The following PTGER3 variants were observed in gnomAD, a reference collection of about 807,000 sequenced individuals.
PTGER3 encodes the protein prostaglandin E receptor 3.
Under a neutral mutation model 34.7 loss-of-function variants are expected in PTGER3, and 22 were observed. The ratio of observed to expected loss-of-function variants is 0.63; its 90% confidence interval spans 0.45 to 0.91. PTGER3 has a LOEUF of 0.91. PTGER3 is among the 40% of genes least tolerant of loss of function. The probability of loss-of-function intolerance (pLI) is 0.00; values close to 1 mark genes in which losing one functional copy is unlikely to be tolerated. For missense variants in PTGER3, 468 were observed against 519.4 expected, an observed-to-expected ratio of 0.90 and a Z score of 0.96; for synonymous variants, 241 against 230.1, an observed-to-expected ratio of 1.05 and a Z score of -0.43.
At chr1:71,014,519 G>A (rs572390551) in intron 1 of PTGER3, among the ~76,000 whole-genome samples, 1 of 152,204 alleles carries the variant, frequency 6.6e-6, no homozygotes, top group African/African-American at 2.4e-5. Context: ...TTTATGTGAT[G>A]GTATTAGGAA....
At chr1:70,852,979 A>C (rs2100419407) in intron 4 of PTGER3, 1 of 1,141,448 alleles carries the variant, frequency 8.8e-7, no homozygotes, top group African/African-American at 1.5e-5. Flanking sequence ...ATGGTAAATC[A>C]CTTACAGCAG....
chr1:70,899,948 A>T (rs2100329694), intron 4 of PTGER3, among the ~76,000 whole-genome samples: 1 of 152,196 alleles, frequency 6.6e-6, no homozygotes, highest in African/African-American at 2.4e-5. Flanking sequence ...AATGACTGTA[A>T]TGGTAGGAAT....
At chr1:70,954,743 C>T (rs898515641) in intron 2 of PTGER3, among the ~76,000 whole-genome samples, 1 of 151,956 alleles carries the variant, frequency 6.6e-6, no homozygotes, top group African/African-American at 2.4e-5. Flanking sequence ...ATTTTGCTAT[C>T]ATGTAATACA....
chr1:70,927,922 T>C lies in PTGER3; in HGVS notation c.*23+25841A>G, dbSNP rs182740014. ...AGCTTCTTGTATTTACCCTATACACTGATCTAATGATTTTTAAGTTGTGCC... is the reference window on the plus strand; with the variant it reads ...AGCTTCTTGTATTTACCCTATACACCGATCTAATGATTTTTAAGTTGTGCC... On this transcript the variant is annotated intron_variant, in intron 4 of 4. Coordinates refer to the PTGER3 transcript ENST00000370931. Among the ~76,000 whole-genome samples, 8 of 152,238 alleles carry C rather than the reference T, an allele frequency of 5.3e-5. No individual in the cohort carries two copies. In the East Asian group the frequency reaches 1.5e-3, roughly 29 times the overall value.
intron 3 of PTGER3, among the ~76,000 whole-genome samples, chr1:70,973,510 C>T (rs970832206): frequency 2.6e-5 from 4 of 152,086 alleles, no homozygotes; most frequent in African/African-American, 9.7e-5. Context: ...AGAAATTGAG[C>T]TGCTTGAATG....
intron 4 of PTGER3, among the ~76,000 whole-genome samples, chr1:70,878,891 T>C (rs537487283): frequency 1.3e-5 from 2 of 152,330 alleles, no homozygotes; most frequent in South Asian, 2.1e-4. Context: ...TTATGTCCTA[T>C]TGAGTGGTTG....
chr1:70,857,727 G>T lies in PTGER3; in HGVS notation c.*24-4868C>A, dbSNP rs573168742. The stretch of plus-strand genomic sequence containing the variant: ...TTTTTTGTATTTTTAGTAGAGACGG[G>T]GTTTCACTGTGTTAGCCAGGATGGT... On this transcript the variant is annotated intron_variant, in intron 4 of 4. Transcript: ENST00000370931. Among the ~76,000 whole-genome samples, 21 of 152,096 alleles carry T rather than the reference G, an allele frequency of 1.4e-4. 1 individual carries two copies. In the East Asian group the frequency reaches 3.9e-3, roughly 28 times the overall value.
At chr1:70,920,130 T>G (rs1016342869) in intron 4 of PTGER3, among the ~76,000 whole-genome samples, 2 of 152,190 alleles carry the variant, frequency 1.3e-5, no homozygotes, top group African/African-American at 4.8e-5. Context: ...ATGTAGAAAC[T>G]GTCACAAACT....
intron 2 of PTGER3, among the ~76,000 whole-genome samples, chr1:70,995,253 G>A (rs11209731): frequency 6.6e-6 from 1 of 151,928 alleles, no homozygotes; most frequent in Non-Finnish European, 1.5e-5. Flanking sequence ...AATGTGTTTG[G>A]GGAGAGGATT....
At chr1:71,002,020 C>T (rs1252479308) in intron 2 of PTGER3, among the ~76,000 whole-genome samples, 1 of 152,046 alleles carries the variant, frequency 6.6e-6, no homozygotes, top group East Asian at 1.9e-4. Flanking sequence ...CTTTGGGAGG[C>T]TAAGACAGGA....
At chr1:70,872,230 T>C (rs1646178359) in intron 4 of PTGER3, among the ~76,000 whole-genome samples, 1 of 152,220 alleles carries the variant, frequency 6.6e-6, no homozygotes, top group Non-Finnish European at 1.5e-5. Flanking sequence ...GGTCGGTGTT[T>C]TTCTTGGTTT....
chr1:71,014,794 C>T (rs1399189992), intron 1 of PTGER3, among the ~76,000 whole-genome samples: 1 of 152,164 alleles, frequency 6.6e-6, no homozygotes, highest in East Asian at 1.9e-4. Context: ...CAAGTTTACA[C>T]CTTTGTTATG....
At chr1:71,002,164 G>A (rs1656553123) in intron 2 of PTGER3, 1 of 152,212 alleles carries the variant, frequency 6.6e-6, no homozygotes, top group South Asian at 2.1e-4. Context: ...TGGGGAGGCT[G>A]AGGTGGGAGG....
chr1:70,970,827 A>G lies in PTGER3; in HGVS notation c.*903T>C, dbSNP rs901302592. On this transcript the variant is annotated 3_prime_UTR_variant, in exon 4 of 4. Transcript: ENST00000306666. The stretch of plus-strand genomic sequence containing the variant: ...TTTTTTATTTTAATACAGACAAAAT[A>G]GATTCTTTTATTTTATAAAAACGTA... The G allele has an allele frequency of 1.1e-6, 1 of 901,322 alleles. No homozygotes were observed. Among genetic ancestry groups the G allele is most frequent in the African/African-American group, 1.8e-5 (1 of 55,364 alleles). 55.8% of individuals were successfully genotyped at this position (901,322 alleles called of 1,614,324 possible). A position where few individuals can be genotyped will look rare whatever the true frequency, so the allele number is the denominator to read the frequency against.
intron 2 of PTGER3, among the ~76,000 whole-genome samples, chr1:71,000,389 T>C (rs1557728633): frequency 1.3e-5 from 2 of 152,188 alleles, no homozygotes. Flanking sequence ...GCTCATAAAA[T>C]GGTATCTGCC....
chr1:70,981,362 TC>T, intron 2 of PTGER3, among the ~76,000 whole-genome samples: 1 of 113,824 alleles, frequency 8.8e-6, no homozygotes, highest in South Asian at 3.5e-4. Context: ...TTTCTTTCTT[TC>T]TTTCTTTCTT....
intron 2 of PTGER3, among the ~76,000 whole-genome samples, chr1:70,984,875 G>A (rs937296482): frequency 2.6e-5 from 4 of 152,098 alleles, no homozygotes; most frequent in Non-Finnish European, 5.9e-5. Context: ...AAAAATTAAA[G>A]AGATATTTTA....
chr1:71,037,689 G>A (rs376062064), intron 1 of PTGER3, among the ~76,000 whole-genome samples: 7 of 152,158 alleles, frequency 4.6e-5, no homozygotes, highest in Admixed American at 6.5e-5. Flanking sequence ...GATTAGAGTC[G>A]TTAATCGTTT....
chr1:70,969,527 T>C (rs1652869766), downstream of PTGER3, among the ~76,000 whole-genome samples: 1 of 152,026 alleles, frequency 6.6e-6, no homozygotes, highest in East Asian at 1.9e-4. Context: ...ACATATACAA[T>C]GAAAATATTC....
Sources: gnomAD v4.1 joint callset for allele counts (sites outside exome capture counted in the v4.1 genomes callset) on GRCh38, gnomAD v4.1.1 for gene constraint, MANE v1.5 for transcripts, NCBI Gene and HGNC (gene_info 2026-07-23, HGNC 2026-07-21) for gene names.